FOXJ3: variants seen among roughly 807,000 people sequenced by gnomAD.
FOXJ3 encodes forkhead box protein J3.
A neutral mutation model predicts 76.1 loss-of-function variants in FOXJ3; 22 were observed. The ratio of observed to expected loss-of-function variants is 0.29; its 90% CI spans 0.21 to 0.41. The LOEUF is 0.41. FOXJ3 is among the 10% of genes least tolerant of loss of function. The pLI is 1.00. For missense variants in FOXJ3, 613 were observed against 762.1 expected, an observed-to-expected ratio of 0.80 and a Z score of 2.30; for synonymous variants, 269 against 261.2, an observed-to-expected ratio of 1.03 and a Z score of -0.29.
rs149288465 is a variant in FOXJ3 at position 42,205,760 on chromosome 1, A to C, written c.630+2T>G. 1.3e-6 allele frequency: 2 copies of C among 1,518,228 alleles called. No individual in the cohort carries two copies. Among genetic ancestry groups the C allele is most frequent in the Non-Finnish European group, 1.8e-6 (2 of 1,093,586 alleles). 94.0% of individuals were successfully genotyped at this position (1,518,228 alleles called of 1,614,324 possible). ...CAATAATGTTTAAAAAAATGAAATT[A>C]CTTTGTTAGTCACAGTGTTGATTGC... is the stretch of plus-strand genomic sequence containing the variant. On this transcript the variant is annotated splice_donor_variant, in intron 6 of 12. Transcript: ENST00000361346. LOFTEE classifies it high-confidence loss of function.
intron 1 of FOXJ3, among the ~76,000 whole-genome samples, chr1:42,314,881 A>G (rs1655016492): frequency 6.6e-6 from 1 of 152,274 alleles, no homozygotes. Context: ...ACAAATGTGC[A>G]GCACTACTCA....
intron 3 of FOXJ3, among the ~76,000 whole-genome samples, 185 bp from the exon 4 acceptor site, chr1:42,265,374 A>G (rs533509171): frequency 7.9e-5 from 12 of 152,344 alleles, no homozygotes; most frequent in Middle Eastern, 6.8e-3. Flanking sequence ...TATGAGGGGA[A>G]GCTGTTACTG....
intron 5 of FOXJ3, among the ~76,000 whole-genome samples, chr1:42,213,117 G>C (rs1210249699): frequency 6.6e-6 from 1 of 152,000 alleles, no homozygotes; most frequent in Non-Finnish European, 1.5e-5. Flanking sequence ...CAAAAGAATA[G>C]AAACTCCTGA....
intron 4 of FOXJ3, among the ~76,000 whole-genome samples, chr1:42,251,713 T>TA (rs1194483827): frequency 5.4e-4 from 7 of 12,878 alleles, no homozygotes; most frequent in Non-Finnish European, 1.3e-3. Context: ...AGTATTTTTT[T>TA]TTTTTTTTTT....
intron 4 of FOXJ3, among the ~76,000 whole-genome samples, chr1:42,263,225 AT>A (rs547928943): frequency 8.0e-4 from 122 of 152,338 alleles, no homozygotes; most frequent in African/African-American, 2.8e-3. Flanking sequence ...GACATGACAC[AT>A]TTTTAAGAGT....
chr1:42,310,029 T>C (rs1170271232), intron 2 of FOXJ3, among the ~76,000 whole-genome samples: 2 of 152,252 alleles, frequency 1.3e-5, no homozygotes, highest in Non-Finnish European at 1.5e-5. Flanking sequence ...CTAGATATTA[T>C]GTTTTTACCA....
chr1:42,294,694 G>A (rs551678166), intron 2 of FOXJ3, among the ~76,000 whole-genome samples: 38 of 149,280 alleles, frequency 2.5e-4, no homozygotes, highest in Admixed American at 7.4e-4. Context: ...CCCGGGAGGC[G>A]GAGGCTGCAG....
At chr1:42,324,808 A>C (rs1655731733) in intron 1 of FOXJ3, among the ~76,000 whole-genome samples, 1 of 152,230 alleles carries the variant, frequency 6.6e-6, no homozygotes, top group African/African-American at 2.4e-5. Flanking sequence ...TGGAGCTTGC[A>C]GGACTGGCAG....
intron 5 of FOXJ3, among the ~76,000 whole-genome samples, chr1:42,217,239 C>T (rs1277102144): frequency 6.6e-6 from 1 of 152,058 alleles, no homozygotes; most frequent in African/African-American, 2.4e-5. Context: ...TTTAAAAATA[C>T]TCTGCAATGG....
intron 1 of FOXJ3, among the ~76,000 whole-genome samples, chr1:42,331,993 T>C (rs1482350313): frequency 6.6e-6 from 1 of 152,194 alleles, no homozygotes; most frequent in Admixed American, 6.5e-5. Context: ...GCATCTATTC[T>C]TACCCCTCCT....
At chr1:42,237,903 T>C (rs891224717) in intron 4 of FOXJ3, among the ~76,000 whole-genome samples, 4 of 110,250 alleles carry the variant, frequency 3.6e-5, no homozygotes, top group African/African-American at 1.4e-4. Flanking sequence ...TTGGTACCTC[T>C]ATCAAAATAC....
In FOXJ3 at chr1:42,237,476, G is replaced by GTATA. The variant is rs147120265; in HGVS notation, c.445-9514_445-9511dup. On this transcript the variant is annotated intron_variant, in intron 4 of 12. Coordinates refer to ENST00000361346, the MANE Select transcript of FOXJ3 (RefSeq NM_014947.5). ...CACATACATACATATACATATATAT[G>GTATA]TATATATATATATATGGGCTATTTC... Among the ~76,000 whole-genome samples, 117 of 133,574 alleles carry GTATA rather than the reference G, an allele frequency of 8.8e-4. 1 individual carries two copies. The highest frequency in any genetic ancestry group is 2.7e-3 in the African/African-American group (99 of 36,540). The allele number at this position is 133,574 out of a possible 152,430, so 87.6% of individuals were successfully genotyped here.
At chr1:42,259,861 C>G (rs115912804) in intron 4 of FOXJ3, among the ~76,000 whole-genome samples, 1 of 152,156 alleles carries the variant, frequency 6.6e-6, no homozygotes, top group Non-Finnish European at 1.5e-5. Context: ...GCCTTCAACT[C>G]GAGTTCTTAT....
chr1:42,225,491 A>G (rs1304382823), intron 5 of FOXJ3, among the ~76,000 whole-genome samples: 1 of 152,220 alleles, frequency 6.6e-6, no homozygotes, highest in Non-Finnish European at 1.5e-5. Flanking sequence ...GTTCCATAAG[A>G]ACACTATATT....
chr1:42,314,860 A>C (rs1655015859), intron 1 of FOXJ3, among the ~76,000 whole-genome samples: 1 of 152,206 alleles, frequency 6.6e-6, no homozygotes, highest in South Asian at 2.1e-4. Flanking sequence ...CACACAAATG[A>C]TCATTTGCAC....
chr1:42,324,071 G>GTA (rs1655599308), intron 1 of FOXJ3, among the ~76,000 whole-genome samples: 2 of 134,350 alleles, frequency 1.5e-5, no homozygotes, highest in South Asian at 2.4e-4. Flanking sequence ...TATACACAGT[G>GTA]TATATATAGT....
chr1:42,291,710 T>C (rs1653448426), intron 2 of FOXJ3, among the ~76,000 whole-genome samples: 2 of 151,828 alleles, frequency 1.3e-5, no homozygotes, highest in African/African-American at 2.4e-5. Context: ...AGCCCAGGAG[T>C]TCAAGGCTGC....
At chr1:42,231,067 C>A (rs2124472643) in intron 4 of FOXJ3, among the ~76,000 whole-genome samples, 1 of 152,062 alleles carries the variant, frequency 6.6e-6, no homozygotes, top group East Asian at 1.9e-4. Flanking sequence ...GTAATCCCAA[C>A]ACTTTGGGAG....
chr1:42,213,480 A>T (rs746493946), intron 5 of FOXJ3, among the ~76,000 whole-genome samples: 5 of 152,080 alleles, frequency 3.3e-5, no homozygotes, highest in African/African-American at 7.2e-5. Context: ...TTAAAAAAAA[A>T]AAAAAGACAC....
Sources: allele counts gnomAD v4.1 joint callset (sites outside exome capture counted in the v4.1 genomes callset), GRCh38; gene constraint gnomAD v4.1.1; transcripts MANE v1.5; gene names NCBI Gene and HGNC (gene_info 2026-07-23, HGNC 2026-07-21).